SUGCT: variants seen among roughly 807,000 people sequenced by gnomAD.
The protein encoded by SUGCT is succinyl-CoA:glutarate CoA-transferase.
A neutral mutation model predicts 55.0 loss-of-function variants in SUGCT; 41 were observed. The ratio of observed to expected loss-of-function variants is 0.74; its 90% CI spans 0.58 to 0.97. The LOEUF (loss-of-function observed/expected upper bound fraction) is 0.97. SUGCT is among the 50% of genes least tolerant of loss of function. The pLI is 0.00. For synonymous variants in SUGCT, 187 were observed against 200.4 expected (o/e 0.93, Z 0.56); for missense variants, 568 against 547.8 (o/e 1.04, Z -0.37).
At chr7:40,228,865 T>G (rs571084859) in intron 6 of SUGCT, among the ~76,000 whole-genome samples, 1 of 152,244 alleles carries the variant, frequency 6.6e-6, no homozygotes, top group East Asian at 1.9e-4. Flanking sequence ...TTTTGTAATA[T>G]CATTATGAAC....
At chr7:40,165,971 A>C (rs1293812219) in intron 1 of SUGCT, among the ~76,000 whole-genome samples, 1 of 152,030 alleles carries the variant, frequency 6.6e-6, no homozygotes, top group East Asian at 1.9e-4. Flanking sequence ...AATATATAAA[A>C]ATTTGCTGGA....
chr7:40,563,523 T>C (rs1016648517), intron 12 of SUGCT, among the ~76,000 whole-genome samples: 1 of 150,250 alleles, frequency 6.7e-6, no homozygotes, highest in Admixed American at 6.6e-5. Flanking sequence ...CTGGACAACA[T>C]AGTGAGACCT....
At chr7:40,767,632 T>C (rs1370535909) in intron 13 of SUGCT, among the ~76,000 whole-genome samples, 2 of 152,082 alleles carry the variant, frequency 1.3e-5, no homozygotes, top group African/African-American at 4.8e-5. Context: ...CAGTAACTGG[T>C]AAATATGGTG....
rs537103103 is a variant in SUGCT at position 40,756,006 on chromosome 7, T to C, written c.1153+6509T>C. Among the ~76,000 whole-genome samples the C allele has an allele frequency of 6.6e-5, 10 of 152,334 alleles. No individual in the cohort carries two copies. In the South Asian group the frequency reaches 1.0e-3, roughly 16 times the overall value. ...AGAGACAGTAGTCACCACCATGCATTAGTGTAGTTTGAATCAAATTATTAG... is the reference window on the plus strand; with the variant it reads ...AGAGACAGTAGTCACCACCATGCATCAGTGTAGTTTGAATCAAATTATTAG... On this transcript the variant is annotated intron_variant, in intron 13 of 13. Transcript: ENST00000335693.
At chr7:40,711,560 T>A (rs990324419) in intron 12 of SUGCT, among the ~76,000 whole-genome samples, 1 of 152,112 alleles carries the variant, frequency 6.6e-6, no homozygotes, top group Non-Finnish European at 1.5e-5. Context: ...AATTTGATAA[T>A]GGAGACGTTA....
intron 7 of SUGCT, among the ~76,000 whole-genome samples, chr7:40,252,459 C>G (rs1000831852): frequency 2.6e-5 from 4 of 151,898 alleles, no homozygotes; most frequent in Non-Finnish European, 5.9e-5. Flanking sequence ...GTTTGGGGTA[C>G]CTTTCAAACA....
chr7:40,935,441 A>G, the SUGCT span, among the ~76,000 whole-genome samples: 2 of 152,126 alleles, frequency 1.3e-5, no homozygotes, highest in Admixed American at 6.5e-5. Flanking sequence ...GGCAACCACT[A>G]TTCTAATTTT....
intron 12 of SUGCT, among the ~76,000 whole-genome samples, chr7:40,514,189 G>A (rs1793106908): frequency 6.6e-6 from 1 of 151,668 alleles, no homozygotes; most frequent in East Asian, 1.9e-4. Context: ...AAAAGAAGAT[G>A]CCTTAAATTG....
chr7:40,199,060 A>C (rs1786452650), intron 6 of SUGCT, among the ~76,000 whole-genome samples: 1 of 151,502 alleles, frequency 6.6e-6, no homozygotes, highest in African/African-American at 2.4e-5. Context: ...TTTTTTAATA[A>C]GACTGATTAC....
intron 9 of SUGCT, among the ~76,000 whole-genome samples, chr7:40,335,022 T>A (rs1441644349): frequency 1.3e-5 from 2 of 152,222 alleles, no homozygotes; most frequent in Non-Finnish European, 2.9e-5. Flanking sequence ...CCTTTCCCCA[T>A]TTCTTGTTTT....
chr7:40,176,868 G>A (rs1784949032), intron 1 of SUGCT, among the ~76,000 whole-genome samples: 1 of 151,232 alleles, frequency 6.6e-6, no homozygotes, highest in Admixed American at 6.6e-5. Context: ...AGCTACTTGG[G>A]AGGCTGAGGC....
intron 12 of SUGCT, among the ~76,000 whole-genome samples, chr7:40,540,186 G>A (rs1163604138): frequency 6.6e-6 from 1 of 151,862 alleles, no homozygotes; most frequent in African/African-American, 2.4e-5. Context: ...TTATATATTA[G>A]CAGCATCCTT....
At chr7:40,487,294 A>G (rs1791433235) in intron 11 of SUGCT, among the ~76,000 whole-genome samples, 1 of 127,510 alleles carries the variant, frequency 7.8e-6, no homozygotes. Context: ...TTTAGTAGAG[A>G]AGGGATTTCA....
At chr7:40,410,729 C>A (rs1400698466) in intron 9 of SUGCT, among the ~76,000 whole-genome samples, 1 of 152,076 alleles carries the variant, frequency 6.6e-6, no homozygotes, top group Non-Finnish European at 1.5e-5. Context: ...CTGAAGATAT[C>A]ATTCTGTTGT....
intron 13 of SUGCT, chr7:40,785,224 G>A (rs779044044): frequency 6.6e-6 from 1 of 152,256 alleles, no homozygotes; most frequent in South Asian, 2.1e-4. Context: ...GGAGAAGATG[G>A]CTGTTCTCAG....
At chr7:40,534,391 C>CT (rs919878770) in intron 12 of SUGCT, among the ~76,000 whole-genome samples, 159 of 147,382 alleles carry the variant, frequency 1.1e-3, no homozygotes, top group Middle Eastern at 7.0e-3. Context: ...TTCTTAATTT[C>CT]TTTTTTTTTT....
At chr7:40,443,668 A>G (rs866598495) in intron 9 of SUGCT, among the ~76,000 whole-genome samples, 166 of 152,260 alleles carry the variant, frequency 1.1e-3, no homozygotes, top group African/African-American at 3.8e-3. Context: ...CCCATTGTGT[A>G]GGTTGCCTGT....
chr7:40,285,008 T>C (rs982087929), intron 8 of SUGCT, among the ~76,000 whole-genome samples: 1 of 152,184 alleles, frequency 6.6e-6, no homozygotes, highest in African/African-American at 2.4e-5. Flanking sequence ...TATTTTTATA[T>C]GATATGAACT....
the SUGCT span, among the ~76,000 whole-genome samples, chr7:41,010,290 C>G: frequency 6.6e-6 from 1 of 152,172 alleles, no homozygotes; most frequent in Non-Finnish European, 1.5e-5. Context: ...CTGTTAATGA[C>G]TCAATGAGCC....
Sources: allele counts gnomAD v4.1 joint callset (sites outside exome capture counted in the v4.1 genomes callset), GRCh38; gene constraint gnomAD v4.1.1; transcripts MANE v1.5; gene names NCBI Gene and HGNC (gene_info 2026-07-23, HGNC 2026-07-21).